The following NRXN1 variants were observed in gnomAD, a reference collection of about 807,000 sequenced individuals.
The protein encoded by NRXN1 is neurexin 1.
A neutral mutation model predicts 150.9 loss-of-function variants in NRXN1; 39 were observed. That is an observed-to-expected ratio of 0.26 (90% CI 0.20 to 0.34). NRXN1 has a LOEUF of 0.34. NRXN1 is among the 10% of genes least tolerant of loss of function. The pLI, the probability that NRXN1 is intolerant of heterozygous loss-of-function variation, is 1.00. For synonymous variants in NRXN1, 924 were observed against 757.0 expected (o/e 1.22, Z -3.62); for missense variants, 1,815 against 1,949.9 (o/e 0.93, Z 1.30).
At chr2:50,217,266 A>G (rs1034785930) in intron 18 of NRXN1, among the ~76,000 whole-genome samples, 1 of 152,074 alleles carries the variant, frequency 6.6e-6, no homozygotes, top group Non-Finnish European at 1.5e-5. Flanking sequence ...AACAAAGACT[A>G]TTTAAAAAGC....
chr2:50,233,239 C>T (rs1160336918), intron 18 of NRXN1, among the ~76,000 whole-genome samples: 3 of 151,904 alleles, frequency 2.0e-5, no homozygotes, highest in Admixed American at 2.0e-4. Context: ...TTCATAAAAC[C>T]TTAACAATTT....
At chr2:50,470,802 T>C (rs1486719115) in intron 16 of NRXN1, among the ~76,000 whole-genome samples, 1 of 151,732 alleles carries the variant, frequency 6.6e-6, no homozygotes, top group East Asian at 1.9e-4. Flanking sequence ...GCTCAAATAA[T>C]CTGAGGTGTT....
chr2:50,853,853 A>T (rs1234643218), intron 5 of NRXN1, among the ~76,000 whole-genome samples: 2 of 152,124 alleles, frequency 1.3e-5, no homozygotes, highest in Non-Finnish European at 2.9e-5. Context: ...AAATTCTCAT[A>T]ATTAAAGAGA....
intron 20 of NRXN1, 40 bp from the exon 21 acceptor site, chr2:50,053,630 G>C (rs1486803927): frequency 6.3e-6 from 10 of 1,588,072 alleles, no homozygotes; most frequent in Non-Finnish European, 7.8e-6. Flanking sequence ...AATGTTGATT[G>C]TGAACTCTAT....
At chr2:50,857,730 C>A (rs1675476974) in intron 5 of NRXN1, among the ~76,000 whole-genome samples, 1 of 151,952 alleles carries the variant, frequency 6.6e-6, no homozygotes, top group Non-Finnish European at 1.5e-5. Flanking sequence ...GATCTTCCTC[C>A]CTTATGTAAC....
intron 5 of NRXN1, among the ~76,000 whole-genome samples, chr2:50,765,452 T>C (rs1336579418): frequency 6.6e-6 from 1 of 152,070 alleles, no homozygotes; most frequent in Non-Finnish European, 1.5e-5. Flanking sequence ...CTTTTCTCTG[T>C]TTCCTTGTCA....
intron 17 of NRXN1, among the ~76,000 whole-genome samples, chr2:50,259,189 A>G (rs1420987011): frequency 6.6e-6 from 1 of 151,966 alleles, no homozygotes; most frequent in Non-Finnish European, 1.5e-5. Context: ...AGATACCTAC[A>G]TGGCATCTTC....
chr2:50,109,774 T>A lies in NRXN1; in HGVS notation c.3547-18280A>T, dbSNP rs6717151. Among the ~76,000 whole-genome samples, 557 of 152,208 alleles carry A rather than the reference T, an allele frequency of 3.7e-3. 3 individuals carry two copies. The highest frequency in any genetic ancestry group is 0.012 in the African/African-American group (516 of 41,542). On this transcript the variant is annotated intron_variant, in intron 18 of 22. Transcript: ENST00000401669. The stretch of plus-strand genomic sequence containing the variant: ...CTTTGGTTGAGGCCAGGGTACTATA[T>A]TTAGATAGTATAAATGTATCCAGAG...
At chr2:50,226,198 T>C (rs551177218) in intron 18 of NRXN1, among the ~76,000 whole-genome samples, 2 of 152,126 alleles carry the variant, frequency 1.3e-5, no homozygotes, top group Non-Finnish European at 2.9e-5. Flanking sequence ...TTTTGAAGTT[T>C]TAATGCATAT....
chr2:50,393,726 A>G (rs1024940961), intron 17 of NRXN1, among the ~76,000 whole-genome samples: 11 of 152,104 alleles, frequency 7.2e-5, no homozygotes, highest in African/African-American at 2.7e-4. Context: ...TTAATCTACT[A>G]TTTCTTCAGG....
intron 19 of NRXN1, among the ~76,000 whole-genome samples, chr2:50,061,896 T>G (rs1433544229): frequency 6.6e-6 from 1 of 152,200 alleles, no homozygotes; most frequent in Non-Finnish European, 1.5e-5. Context: ...TAAAATTTGG[T>G]TTTATTTTCC....
At chr2:50,187,964 A>T (rs2061196444) in intron 18 of NRXN1, among the ~76,000 whole-genome samples, 1 of 152,226 alleles carries the variant, frequency 6.6e-6, no homozygotes, top group East Asian at 1.9e-4. Context: ...GTTGCTTATT[A>T]AGGAGATTTT....
At chr2:51,003,781 T>A (rs374235811) in intron 2 of NRXN1, among the ~76,000 whole-genome samples, 10 of 151,928 alleles carry the variant, frequency 6.6e-5, no homozygotes, top group African/African-American at 2.2e-4. Flanking sequence ...AGTTGACTAA[T>A]TGCATTTTAA....
intron 17 of NRXN1, among the ~76,000 whole-genome samples, chr2:50,340,745 G>A (rs6760667): frequency 0.38 from 56,992 of 151,874 alleles, 13,911 homozygotes; most frequent in African/African-American, 0.69. Context: ...AGAGAAAAAC[G>A]AAACAAGAAT....
At chr2:50,770,495 A>C (rs188979470) in intron 5 of NRXN1, among the ~76,000 whole-genome samples, 4 of 152,140 alleles carry the variant, frequency 2.6e-5, no homozygotes, top group East Asian at 1.9e-4. Context: ...CAGGGAGCTC[A>C]AATGTGACTT....
intron 5 of NRXN1, among the ~76,000 whole-genome samples, chr2:50,738,377 T>C (rs528066139): frequency 6.6e-6 from 1 of 152,300 alleles, no homozygotes; most frequent in South Asian, 2.1e-4. Context: ...CAAATTTCTA[T>C]TTCAAAGGAC....
chr2:49,926,064 A>G (rs1051188942), intron 22 of NRXN1, among the ~76,000 whole-genome samples: 2 of 152,242 alleles, frequency 1.3e-5, no homozygotes, highest in Non-Finnish European at 2.9e-5. Flanking sequence ...AAGGAGAGCA[A>G]GAATGCACAC....
At chr2:50,118,977 C>CTT (rs751849660) in intron 18 of NRXN1, among the ~76,000 whole-genome samples, 5 of 139,268 alleles carry the variant, frequency 3.6e-5, no homozygotes, top group East Asian at 2.1e-4. Context: ...GTTAACCTGT[C>CTT]TTTTTTTTTT....
In NRXN1 at chr2:50,773,964, T is replaced by C. The variant is rs376051417; in HGVS notation, c.832+147905A>G. The stretch of plus-strand genomic sequence containing the variant: ...AGCGCCACTGGTCACTGTCAGTATC[T>C]AGGCTACCTAGTAAAGCAACCCCCA... On this transcript the variant is annotated intron_variant, in intron 5 of 22. Coordinates refer to ENST00000401669, the MANE Select transcript of NRXN1 (RefSeq NM_001330078.2). Among the ~76,000 whole-genome samples, 13 of 152,134 alleles carry C rather than the reference T, an allele frequency of 8.5e-5. No individual in the cohort carries two copies. In the East Asian group the frequency reaches 2.5e-3, roughly 29 times the overall value.
Sources: gnomAD v4.1 joint callset for allele counts (sites outside exome capture counted in the v4.1 genomes callset) on GRCh38, gnomAD v4.1.1 for gene constraint, MANE v1.5 for transcripts, NCBI Gene and HGNC (gene_info 2026-07-23, HGNC 2026-07-21) for gene names.